The following NOS3 variants were observed in gnomAD, a reference collection of about 807,000 sequenced individuals.
The protein encoded by NOS3 is nitric oxide synthase 3, also known as NOS type III.
NOS3 carries 98 observed loss-of-function variants against 144.9 expected under a neutral mutation model. That is an observed-to-expected ratio of 0.68 (90% CI 0.57 to 0.80). NOS3 has a LOEUF of 0.80. Ranked by LOEUF, NOS3 falls within the 30% of genes least tolerant of loss-of-function variation. NOS3 has a pLI of 0.00. For missense variants in NOS3, 1,465 were observed against 1,656.4 expected (o/e 0.88, Z 2.01); for synonymous variants, 714 against 702.4 (o/e 1.02, Z -0.26).
At chr7:151,010,375 C>T (rs1322391106) in intron 21 of NOS3, 88 bp downstream of exon 21, 4 of 1,302,248 alleles carry the variant, frequency 3.1e-6, no homozygotes, top group South Asian at 2.9e-5. Flanking sequence ...CATGCAAAGT[C>T]CCCCCTGGAC....
At chr7:151,004,293 G>A (rs1293107108) in intron 14 of NOS3, among the ~76,000 whole-genome samples, 5 of 152,276 alleles carry the variant, frequency 3.3e-5, no homozygotes, top group East Asian at 1.9e-4. Context: ...CCGAGATCAC[G>A]CCACTGCACT....
chr7:151,013,749 C>T lies in NOS3; in HGVS notation c.3281C>T (p.Thr1094Met), dbSNP rs748809780. Residue 1094 changes from threonine to methionine, a missense_variant, in exon 26 of 27, where the codon ACG (threonine) becomes ATG (methionine). This residue lies in a region of NOS3 where 228 missense variants were observed against 227.7 expected (regional missense o/e 1.00). Transcript: ENST00000297494. ...PKTYVQDILRTELAAEVHRVL... is the reference protein window; with the variant it reads ...PKTYVQDILRMELAAEVHRVL... ...ACCTACGTGCAGGACATCCTGAGGA[C>T]GGAGCTGGCTGCGGAGGTGCACCGC... The T allele has an allele frequency of 3.7e-6, 6 of 1,610,276 alleles. No individual in the cohort carries two copies. The highest frequency in any genetic ancestry group is 4.5e-5 in the East Asian group (2 of 44,714).
rs548533338 is a variant in NOS3, at chr7:151,003,483, G to A, written c.1752+1179G>A. On this transcript the variant is annotated intron_variant, in intron 14 of 26. Transcript: ENST00000297494. This position sits in a 1 kb window ranked among gnomAD's most constrained non-coding sequence, Gnocchi z 4.1. The stretch of plus-strand genomic sequence containing the variant: ...AACCCTTTTTGCTGCCTTAGTGTCC[G>A]TTTCAGCCCTCATTCTGACCTACCT... The A allele has an allele frequency of 1.6e-4, 197 of 1,234,384 alleles. 1 individual carries two copies. Among genetic ancestry groups the A allele is most frequent in the Middle Eastern group, 2.3e-4 (1 of 4,416 alleles). 76.5% of individuals were successfully genotyped at this position (1,234,384 alleles called of 1,614,324 possible).
chr7:150,996,890 C>T lies in NOS3; in HGVS notation c.547C>T (p.Arg183Cys), dbSNP rs775440871. ...TAAGCAGGCCTGGCGCAACGCTCCC[C>T]GCTGCGTGGGCCGGATCCAGTGGGG... is the stretch of plus-strand genomic sequence containing the variant. ...GAKQAWRNAP[R>C]CVGRIQWGKL... The change falls in exon 5 of 27, where the codon CGC becomes TGC. Residue 183 changes from arginine (R) to cysteine (C), a missense_variant. Coordinates refer to ENST00000297494, the MANE Select transcript of NOS3 (RefSeq NM_000603.5). 2.0e-5 allele frequency: 31 copies of T among 1,581,790 alleles called. No individual in the cohort carries two copies. Among genetic ancestry groups the T allele is most frequent in the Non-Finnish European group, 2.6e-5 (30 of 1,164,868 alleles).
intron 5 of NOS3, 67 bp downstream of exon 5, chr7:150,996,992 C>T: frequency 1.3e-6 from 2 of 1,485,638 alleles, no homozygotes; most frequent in Non-Finnish European, 1.8e-6. Context: ...CGGGGCAGTT[C>T]CTAAGGCTTC....
Position 151,006,456 on chromosome 7 carries a change from C to A in NOS3, c.1782C>A (p.Ser594=). The change falls in exon 15 of 27, where the codon TCC becomes TCA. Residue 594 remains serine, a synonymous_variant. Transcript: ENST00000297494. ...TTGCAGCTGCCCTGATGGAGATGTC[C>A]GGCCCCTACAACAGCTCCCCTCGGC... ...ESFAAALMEM[S]GPYNSSPRPE... is the part of the protein sequence containing the mutation. 6.2e-7 allele frequency: 1 copy of A among 1,613,928 alleles called. No homozygotes were observed. The highest frequency in any genetic ancestry group is 8.5e-7 in the Non-Finnish European group (1 of 1,179,966).
chr7:151,002,094 G>A lies in NOS3; in HGVS notation c.1648-106G>A. On this transcript the variant is annotated intron_variant, in intron 13 of 26. Coordinates refer to ENST00000297494, the MANE Select transcript of NOS3 (RefSeq NM_000603.5). This position sits in a 1 kb window ranked among gnomAD's most constrained non-coding sequence, Gnocchi z 4.1. ...AGGAACCCGGAACCACAGGTGTTCA[G>A]AGATCAAGTTGGGGCCTGAATCTTG... is the stretch of plus-strand genomic sequence containing the variant. 2.1e-6 allele frequency: 3 copies of A among 1,439,622 alleles called. No homozygotes were observed. The highest frequency in any genetic ancestry group is 2.9e-6 in the Non-Finnish European group (3 of 1,043,718). 89.2% of individuals were successfully genotyped at this position (1,439,622 alleles called of 1,614,324 possible). A position where few individuals can be genotyped will look rare whatever the true frequency, so the allele number is the denominator to read the frequency against.
chr7:150,996,611 T>C (rs941845922), intron 4 of NOS3, 59 bp downstream of exon 4: 2 of 1,540,820 alleles, frequency 1.3e-6, no homozygotes, highest in African/African-American at 2.7e-5. Context: ...AGAAACCCCG[T>C]GACGACCTTC....
intron 17 of NOS3, among the ~76,000 whole-genome samples, chr7:151,007,983 G>C (rs1343454843): frequency 6.6e-6 from 1 of 152,200 alleles, no homozygotes; most frequent in Admixed American, 6.5e-5. Context: ...GAGAGGGAGT[G>C]GGGGCTACCT....
chr7:150,998,828 C>T lies in NOS3; in HGVS notation c.817-118C>T. 2 of 1,471,226 alleles carry T rather than the reference C, an allele frequency of 1.4e-6. No individual in the cohort carries two copies. The highest frequency in any genetic ancestry group is 2.6e-5 in the South Asian group (2 of 77,338). The allele number at this position is 1,471,226 out of a possible 1,614,324, so 91.1% of individuals were successfully genotyped here. On this transcript the variant is annotated intron_variant, in intron 7 of 26. Transcript: ENST00000297494. This position sits in a 1 kb window ranked among gnomAD's most constrained non-coding sequence, Gnocchi z 5.0. ...ACCAAAGGAGGGGTGCCTGGGTGGT[C>T]ACGGAGACCCAGCCAATGAGGGACC...
At chr7:151,009,733 G>A in intron 20 of NOS3, 148 bp downstream of exon 20, 2 of 692,438 alleles carry the variant, frequency 2.9e-6, no homozygotes, top group South Asian at 2.0e-5. Context: ...TGGCTGTGCT[G>A]CCCACTGCCG....
At position 151,012,535 on chromosome 7, in the gene NOS3, G is replaced by A. The variant is rs528215012; in HGVS notation, c.3106+63G>A. 51 of 1,552,414 alleles carry A rather than the reference G, an allele frequency of 3.3e-5. 1 individual carries two copies. The highest frequency in any genetic ancestry group is 3.3e-5 in the Non-Finnish European group (38 of 1,137,338). On this transcript the variant is annotated intron_variant, in intron 24 of 26. Coordinates refer to ENST00000297494, the MANE Select transcript of NOS3 (RefSeq NM_000603.5). ...ACACAATCTAGGGACAGAGGGGTGG[G>A]GCTGGAAGGCAGGAAATAGGAAAGA...
At position 150,998,342 on chromosome 7, in the gene NOS3, C is replaced by T. The variant is rs767031980; in HGVS notation, c.583-15C>T. The T allele has an allele frequency of 5.6e-6, 9 of 1,609,058 alleles. No homozygotes were observed. In the African/African-American group the frequency reaches 6.7e-5, roughly 12 times the overall value. ...CTCTCCTCACCCTCCTCTCCCGCTGCCTCGGCTGGCTCAGGTGTTCGATGC... is the reference window on the plus strand; with the variant it reads ...CTCTCCTCACCCTCCTCTCCCGCTGTCTCGGCTGGCTCAGGTGTTCGATGC... On this transcript the variant is annotated splice_polypyrimidine_tract_variant and intron_variant, in intron 5 of 26. Transcript: ENST00000297494. This position sits in a 1 kb window ranked among gnomAD's most constrained non-coding sequence, Gnocchi z 5.0.
At position 151,001,980 on chromosome 7, in the gene NOS3, A is replaced by T; in HGVS notation, c.1647+15A>T. On this transcript the variant is annotated intron_variant, in intron 13 of 26. Coordinates refer to ENST00000297494, the MANE Select transcript of NOS3 (RefSeq NM_000603.5). Reference sequence around the variant, plus strand: ...TTGATCCCCGGGTAGGGCTGAGCCCAGGGGAGCAGGGAGCTAGAAAGAGGG... The same window carrying T: ...TTGATCCCCGGGTAGGGCTGAGCCCTGGGGAGCAGGGAGCTAGAAAGAGGG... The T allele has an allele frequency of 6.2e-7, 1 of 1,612,712 alleles. No individual in the cohort carries two copies. The highest frequency in any genetic ancestry group is 8.5e-7 in the Non-Finnish European group (1 of 1,179,618).
Position 150,998,223 on chromosome 7 carries a change from C to G in NOS3, c.583-134C>G. The G allele has an allele frequency of 4.2e-6, 3 of 714,878 alleles. No individual in the cohort carries two copies. The South Asian group carries it at 5.4e-5, about 13-fold the overall frequency. The allele number at this position is 714,878 out of a possible 1,614,324, so 44.3% of individuals were successfully genotyped here. Reference sequence around the variant, plus strand: ...GCAGGGCAGGAAGGGATCAGTGTGGCTGCCAATGGTCAGGAGGGCGCCATG... The same window carrying G: ...GCAGGGCAGGAAGGGATCAGTGTGGGTGCCAATGGTCAGGAGGGCGCCATG... On this transcript the variant is annotated intron_variant, in intron 5 of 26. Transcript: ENST00000297494. This position sits in a 1 kb window ranked among gnomAD's most constrained non-coding sequence, Gnocchi z 5.0.
intron 12 of NOS3, 61 bp from the exon 13 acceptor site, chr7:151,001,760 T>G: frequency 1.2e-6 from 2 of 1,607,852 alleles, no homozygotes; most frequent in Non-Finnish European, 1.7e-6. Flanking sequence ...GGTTGGACCC[T>G]TGCCTGGGGA....
intron 25 of NOS3, 109 bp downstream of exon 25, chr7:151,013,488 C>T (rs915104625): frequency 1.5e-5 from 21 of 1,368,908 alleles, no homozygotes; most frequent in Admixed American, 2.2e-5. Flanking sequence ...CCTCCCACGA[C>T]CACTCAGCCA....
At chr7:150,992,204 C>T (rs1397113102) in intron 1 of NOS3, among the ~76,000 whole-genome samples, 2 of 151,842 alleles carry the variant, frequency 1.3e-5, no homozygotes, top group Non-Finnish European at 2.9e-5. Context: ...TCACCTTGAC[C>T]CTGAGGATGC....
rs1795070561 is a variant in NOS3, at chr7:151,000,718, A to T, written c.1233+119A>T. The T allele has an allele frequency of 5.8e-6, 4 of 687,216 alleles. No homozygotes were observed. In the Admixed American group the frequency reaches 6.4e-5, roughly 11 times the overall value. The allele number at this position is 687,216 out of a possible 1,614,324, so 42.6% of individuals were successfully genotyped here. A position where few individuals can be genotyped will look rare whatever the true frequency, so the allele number is the denominator to read the frequency against. On this transcript the variant is annotated intron_variant, in intron 10 of 26. Coordinates refer to ENST00000297494, the MANE Select transcript of NOS3 (RefSeq NM_000603.5). ...GGGCAGGATTTGGACAGGCAGAAGA[A>T]GTTCCGTAGTCCCAGTGCCATGGCG... is the stretch of plus-strand genomic sequence containing the variant.
Sources: gnomAD v4.1 joint callset for allele counts (sites outside exome capture counted in the v4.1 genomes callset) on GRCh38, gnomAD v4.1.1 for gene constraint, gnomAD v4.1.1 regional missense constraint, Gnocchi (gnomAD v3.1) non-coding constraint, MANE v1.5 for transcripts, NCBI Gene and HGNC (gene_info 2026-07-23, HGNC 2026-07-21) for gene names.